Variants in FUT8 observed in about 807,000 individuals in gnomAD.
The protein encoded by FUT8 is alpha-(1,6)-fucosyltransferase.
FUT8 carries 29 observed loss-of-function variants against 71.3 expected under a neutral mutation model. The observed-to-expected ratio is 0.41, with a 90% confidence interval of 0.30 to 0.55. The LOEUF (loss-of-function observed/expected upper bound fraction) is 0.55. Among genes scored for constraint, FUT8 ranks in the 20% least tolerant of loss-of-function variants. FUT8 has a pLI of 0.34. For synonymous variants in FUT8, 254 were observed against 239.3 expected, an observed-to-expected ratio of 1.06 and a Z score of -0.57; for missense variants, 544 against 702.1, an observed-to-expected ratio of 0.77 and a Z score of 2.55.
chr14:65,719,643 C>T (rs188768929), intron 7 of FUT8, among the ~76,000 whole-genome samples: 1 of 152,288 alleles, frequency 6.6e-6, no homozygotes, highest in Admixed American at 6.5e-5. Flanking sequence ...CAGTTTTGGT[C>T]ATTGCAGCCA....
intron 2 of FUT8, among the ~76,000 whole-genome samples, chr14:65,501,636 A>G (rs1243014696): frequency 6.6e-6 from 1 of 152,172 alleles, no homozygotes; most frequent in Non-Finnish European, 1.5e-5. Flanking sequence ...TCAGAGTTTT[A>G]TTTTCAGTAT....
At chr14:65,458,353 A>G (rs543724806) in intron 2 of FUT8, among the ~76,000 whole-genome samples, 53 of 152,276 alleles carry the variant, frequency 3.5e-4, no homozygotes, top group African/African-American at 1.2e-3. Context: ...TTAGAATTCT[A>G]TATTAAAAAC....
chr14:65,739,135 A>G (rs1436572469), intron 10 of FUT8, among the ~76,000 whole-genome samples: 1 of 152,052 alleles, frequency 6.6e-6, no homozygotes, highest in Non-Finnish European at 1.5e-5. Context: ...CAGGTTTGTC[A>G]TAATAGTTAA....
At chr14:65,595,527 G>A (rs1317524734) in intron 3 of FUT8, among the ~76,000 whole-genome samples, 4 of 150,298 alleles carry the variant, frequency 2.7e-5, no homozygotes, top group Admixed American at 6.6e-5. Flanking sequence ...AGTTCACTTC[G>A]AATTAAGTAG....
At chr14:65,380,885 A>G in the FUT8 span, among the ~76,000 whole-genome samples, 2 of 152,356 alleles carry the variant, frequency 1.3e-5, no homozygotes, top group Non-Finnish European at 1.5e-5. Flanking sequence ...CTGGAAAATT[A>G]GAAGTCTTCT....
the FUT8 span, among the ~76,000 whole-genome samples, chr14:65,395,534 T>G: frequency 3.7e-4 from 56 of 152,386 alleles, no homozygotes; most frequent in East Asian, 6.2e-3. Context: ...GGTTGGGGCT[T>G]GCACCCTCTG....
chr14:65,411,895 C>A (rs1385253469), upstream of FUT8: 1 of 375,858 alleles, frequency 2.7e-6, no homozygotes, highest in Non-Finnish European at 5.2e-6. Flanking sequence ...CGGCGCGCTC[C>A]GGTCCTCCCG....
chr14:65,673,048 T>C lies in FUT8; in HGVS notation c.835+3568T>C, dbSNP rs1377615701. Among the ~76,000 whole-genome samples the C allele has an allele frequency of 2.6e-5, 4 of 152,240 alleles. No individual in the cohort carries two copies. In the East Asian group the frequency reaches 7.7e-4, roughly 29 times the overall value. On this transcript the variant is annotated intron_variant, in intron 7 of 10. Transcript: ENST00000673929. ...AAGTTAAACTGAATTCTTAATATGA[T>C]AAATGTAATTGGAAAATTTTATTTG...
At chr14:65,389,189 A>G in the FUT8 span, among the ~76,000 whole-genome samples, 2 of 148,008 alleles carry the variant, frequency 1.4e-5, no homozygotes, top group Non-Finnish European at 1.5e-5. Flanking sequence ...ATATAAAAAA[A>G]TTATTTTTTA....
chr14:65,386,150 T>TA, the FUT8 span, among the ~76,000 whole-genome samples: 26,469 of 142,284 alleles, frequency 0.19, 3,277 homozygotes, highest in East Asian at 0.63. Flanking sequence ...AGACTCCATC[T>TA]AAAAAAAAAA....
chr14:65,542,496 T>C (rs1292072051), intron 2 of FUT8, among the ~76,000 whole-genome samples: 1 of 152,206 alleles, frequency 6.6e-6, no homozygotes, highest in Non-Finnish European at 1.5e-5. Context: ...TTGTGAGATA[T>C]ATACTCTATG....
Position 65,597,032 on chromosome 14 carries a change from A to C in FUT8, c.204-18946A>C, listed in dbSNP as rs192286444. ...ACAATAAATAATTTTGATAGGTAAC[A>C]TTTATTGAGCCCCTACTGTTTTGGA... On this transcript the variant is annotated intron_variant, in intron 3 of 10. Transcript: ENST00000673929. 1.9e-3 allele frequency among the ~76,000 whole-genome samples: 288 copies of C among 152,326 alleles called. 2 individuals are homozygous for C. Among genetic ancestry groups the C allele is most frequent in the Non-Finnish European group, 2.2e-3 (148 of 68,024 alleles).
chr14:65,617,331 A>T, intron 5 of FUT8: 11 of 968,964 alleles, frequency 1.1e-5, no homozygotes. Context: ...CAGAAATATG[A>T]TAGCATGGAT....
At chr14:65,678,916 A>G (rs555303448) in intron 7 of FUT8, among the ~76,000 whole-genome samples, 1 of 152,292 alleles carries the variant, frequency 6.6e-6, no homozygotes, top group South Asian at 2.1e-4. Flanking sequence ...ACCAGCAGAG[A>G]TTATGTAAGC....
chr14:65,709,459 ATTAC>A (rs1158541147), intron 7 of FUT8, among the ~76,000 whole-genome samples: 1 of 152,266 alleles, frequency 6.6e-6, no homozygotes, highest in Non-Finnish European at 1.5e-5. Flanking sequence ...AATCTTTCTG[ATTAC>A]ATCAAAAAGA....
At chr14:65,698,093 C>G (rs186804842) in intron 7 of FUT8, among the ~76,000 whole-genome samples, 101 of 152,046 alleles carry the variant, frequency 6.6e-4, no homozygotes, top group African/African-American at 2.3e-3. Flanking sequence ...AAGTGAGATT[C>G]TTATAAATGA....
At chr14:65,536,754 AT>A (rs927411325) in intron 2 of FUT8, among the ~76,000 whole-genome samples, 1 of 152,018 alleles carries the variant, frequency 6.6e-6, no homozygotes. Flanking sequence ...CTTGTAAAGT[AT>A]TTTGCAGGGG....
chr14:65,472,018 A>T lies in FUT8; in HGVS notation c.-228+16300A>T, dbSNP rs1470869880. On this transcript the variant is annotated intron_variant, in intron 2 of 10. Transcript: ENST00000673929. The surrounding 1 kb of genome is among the most constrained non-coding windows in gnomAD (Gnocchi z 4.4). Reference sequence around the variant, plus strand: ...TCTCCAGAGGGAAGTTGATCATAGGACTGATTCTTATTATTGATGAATTGA... The same window carrying T: ...TCTCCAGAGGGAAGTTGATCATAGGTCTGATTCTTATTATTGATGAATTGA... 1.3e-5 allele frequency among the ~76,000 whole-genome samples: 2 copies of T among 152,074 alleles called. No individual in the cohort carries two copies. The highest frequency in any genetic ancestry group is 2.9e-5 in the Non-Finnish European group (2 of 68,010).
intron 7 of FUT8, among the ~76,000 whole-genome samples, chr14:65,706,122 G>GT (rs1894539936): frequency 2.0e-5 from 3 of 152,182 alleles, no homozygotes; most frequent in Non-Finnish European, 2.9e-5. Context: ...AACTTAATGA[G>GT]TAAGATACTA....
Sources: allele counts gnomAD v4.1 joint callset (sites outside exome capture counted in the v4.1 genomes callset), GRCh38; gene constraint gnomAD v4.1.1; non-coding constraint Gnocchi (gnomAD v3.1); transcripts MANE v1.5; gene names NCBI Gene and HGNC (gene_info 2026-07-23, HGNC 2026-07-21).